The following SNAP91 variants were observed in gnomAD, a reference collection of about 807,000 sequenced individuals.
SNAP91 encodes clathrin coat assembly protein AP180.
SNAP91 carries 27 observed loss-of-function variants against 100.3 expected under a neutral mutation model. The ratio of observed to expected loss-of-function variants is 0.27; its 90% CI spans 0.20 to 0.37. SNAP91 has a LOEUF of 0.37. Among genes scored for constraint, SNAP91 ranks in the 10% least tolerant of loss-of-function variants. The pLI is 1.00. For missense variants in SNAP91, 986 were observed against 1,123.7 expected, an observed-to-expected ratio of 0.88 and a Z score of 1.75; for synonymous variants, 404 against 398.6, an observed-to-expected ratio of 1.01 and a Z score of -0.16.
At chr6:83,576,620 GTTC>G (rs1263472089) in intron 24 of SNAP91, among the ~76,000 whole-genome samples, 2 of 152,160 alleles carry the variant, frequency 1.3e-5, no homozygotes, top group Non-Finnish European at 2.9e-5. Flanking sequence ...TGAAGAGTGT[GTTC>G]TTCTCCTCAA....
chr6:83,704,616 T>G (rs1470742344), intron 2 of SNAP91, among the ~76,000 whole-genome samples: 1 of 152,080 alleles, frequency 6.6e-6, no homozygotes, highest in Non-Finnish European at 1.5e-5. Flanking sequence ...GAGAAAAGAA[T>G]TTATCATTTA....
intron 2 of SNAP91, among the ~76,000 whole-genome samples, chr6:83,705,408 A>G (rs558472450): frequency 6.6e-5 from 10 of 152,288 alleles, no homozygotes; most frequent in African/African-American, 2.2e-4. Flanking sequence ...TGGGTGTTTT[A>G]GAGATTAGAC....
At chr6:83,559,074 A>C (rs761523052) in intron 28 of SNAP91, among the ~76,000 whole-genome samples, 32 of 152,228 alleles carry the variant, frequency 2.1e-4, no homozygotes, top group Non-Finnish European at 4.0e-4. Context: ...CTAAATCCTT[A>C]TAATTTCTCA....
intron 2 of SNAP91, among the ~76,000 whole-genome samples, chr6:83,696,172 A>G (rs1442296881): frequency 1.3e-5 from 2 of 152,210 alleles, no homozygotes; most frequent in Non-Finnish European, 2.9e-5. Flanking sequence ...GAAAAAAACA[A>G]CAAAACTACA....
At chr6:83,661,838 T>C (rs1414566164) in intron 4 of SNAP91, among the ~76,000 whole-genome samples, 2 of 152,222 alleles carry the variant, frequency 1.3e-5, no homozygotes, top group Non-Finnish European at 2.9e-5. Flanking sequence ...AATATGTTTT[T>C]AAATTTTCCT....
intron 7 of SNAP91, among the ~76,000 whole-genome samples, chr6:83,644,789 C>T (rs114833098): frequency 0.014 from 2,120 of 152,194 alleles, 40 homozygotes; most frequent in African/African-American, 0.049. Context: ...ATATTGATTC[C>T]AACATTAGGT....
At chr6:83,571,002 G>C (rs1806484961) in intron 26 of SNAP91, among the ~76,000 whole-genome samples, 1 of 152,070 alleles carries the variant, frequency 6.6e-6, no homozygotes, top group Non-Finnish European at 1.5e-5. Context: ...CCATGGTCCT[G>C]GAAAAGCCAC....
Position 83,656,990 on chromosome 6 carries a change from C to A in SNAP91, c.547-125G>T, listed in dbSNP as rs555368839. ...GAATATTCTACAAACATTGGTAATT[C>A]ATTTAGTAACCCTACCAATATCAAA... is the stretch of plus-strand genomic sequence containing the variant. On this transcript the variant is annotated intron_variant, in intron 6 of 29. Transcript: ENST00000369694. 24 of 584,638 alleles carry A rather than the reference C, an allele frequency of 4.1e-5. No individual in the cohort carries two copies. In the African/African-American group the frequency reaches 4.3e-4, roughly 11 times the overall value. The allele number at this position is 584,638 out of a possible 1,614,324, so 36.2% of individuals were successfully genotyped here. A position where few individuals can be genotyped will look rare whatever the true frequency, so the allele number is the denominator to read the frequency against.
Position 83,561,989 on chromosome 6 carries a change from G to T in SNAP91, c.2443-1042C>A, listed in dbSNP as rs575587081. Among the ~76,000 whole-genome samples the T allele has an allele frequency of 2.0e-5, 3 of 152,222 alleles. 1 individual carries two copies. The South Asian group carries it at 6.2e-4, about 32-fold the overall frequency. ...TGCAGTGAGTTGTAATAGCACCACTGTACTTCAGCCTGTGGACAAAGTGAG... is the reference window on the plus strand; with the variant it reads ...TGCAGTGAGTTGTAATAGCACCACTTTACTTCAGCCTGTGGACAAAGTGAG... On this transcript the variant is annotated intron_variant, in intron 26 of 29. Coordinates refer to ENST00000369694, the MANE Select transcript of SNAP91 (RefSeq NM_001242792.2).
chr6:83,707,993 C>T (rs1221297350), intron 1 of SNAP91, 36 bp from the exon 2 acceptor site: 1 of 1,494,736 alleles, frequency 6.7e-7, no homozygotes, highest in East Asian at 2.5e-5. Flanking sequence ...CGGCTTTAAT[C>T]CGCAGACCCT....
At chr6:83,639,214 T>G (rs2097577356) in intron 8 of SNAP91, among the ~76,000 whole-genome samples, 1 of 152,190 alleles carries the variant, frequency 6.6e-6, no homozygotes, top group African/African-American at 2.4e-5. Context: ...GGATAGCTAT[T>G]GAGTATGAAT....
At chr6:83,680,252 A>G (rs2098969858) in intron 2 of SNAP91, among the ~76,000 whole-genome samples, 1 of 152,206 alleles carries the variant, frequency 6.6e-6, no homozygotes, top group African/African-American at 2.4e-5. Flanking sequence ...CCATAGTAGT[A>G]GACACATCAA....
In SNAP91 at chr6:83,553,340, A is replaced by G. The variant is rs1773630358; in HGVS notation, c.*956T>C. 1 of 152,336 alleles carries G rather than the reference A, an allele frequency of 6.6e-6. No homozygotes were observed. The highest frequency in any genetic ancestry group is 2.4e-5 in the African/African-American group (1 of 41,460). The allele number at this position is 152,336 out of a possible 1,614,324, so 9.4% of individuals were successfully genotyped here. ...CTCAGTTGAAGGATGGAAGAACACT[A>G]GTCTACAAAACACACAAAGAAACAC... On this transcript the variant is annotated 3_prime_UTR_variant, in exon 30 of 30. Coordinates refer to ENST00000369694, the MANE Select transcript of SNAP91 (RefSeq NM_001242792.2).
intron 8 of SNAP91, among the ~76,000 whole-genome samples, chr6:83,636,955 T>C (rs765159434): frequency 4.6e-5 from 7 of 152,216 alleles, no homozygotes; most frequent in African/African-American, 9.6e-5. Context: ...TCTGAGGTTA[T>C]AGATGGGCTC....
intron 22 of SNAP91, among the ~76,000 whole-genome samples, chr6:83,583,285 C>G (rs1398618315): frequency 2.6e-5 from 4 of 152,182 alleles, no homozygotes; most frequent in Non-Finnish European, 2.9e-5. Context: ...CCCCACTGCC[C>G]CGACTCCAAC....
At chr6:83,650,706 T>G (rs2098165555) in intron 7 of SNAP91, among the ~76,000 whole-genome samples, 1 of 152,176 alleles carries the variant, frequency 6.6e-6, no homozygotes, top group African/African-American at 2.4e-5. Context: ...GCATGAGCCA[T>G]TGCGCCTGGC....
At chr6:83,559,043 C>G (rs2127802037) in intron 28 of SNAP91, among the ~76,000 whole-genome samples, 1 of 152,196 alleles carries the variant, frequency 6.6e-6, no homozygotes, top group East Asian at 1.9e-4. Context: ...AGGTTTTTTC[C>G]TTTGCCCAGA....
chr6:83,632,580 G>A (rs1222130665), intron 8 of SNAP91, among the ~76,000 whole-genome samples: 1 of 152,072 alleles, frequency 6.6e-6, no homozygotes, highest in East Asian at 1.9e-4. Flanking sequence ...GGCTTTGTTC[G>A]TATTTTCTTA....
At chr6:83,634,507 A>C (rs2097349968) in intron 8 of SNAP91, among the ~76,000 whole-genome samples, 2 of 152,018 alleles carry the variant, frequency 1.3e-5, no homozygotes, top group African/African-American at 4.8e-5. Context: ...AGGTTTCCTG[A>C]TTTATTCCTG....
Sources: allele counts gnomAD v4.1 joint callset (sites outside exome capture counted in the v4.1 genomes callset), GRCh38; gene constraint gnomAD v4.1.1; transcripts MANE v1.5; gene names NCBI Gene and HGNC (gene_info 2026-07-23, HGNC 2026-07-21).